C3: variants seen among roughly 807,000 people sequenced by gnomAD.
C3 encodes complement C3, also known as C3 and PZP-like alpha-2-macroglobulin domain-containing protein 1.
Under a neutral mutation model 207.9 loss-of-function variants are expected in C3, and 97 were observed. The observed-to-expected ratio is 0.47, with a 90% CI of 0.40 to 0.55. The LOEUF (loss-of-function observed/expected upper bound fraction) is 0.55. Ranked by LOEUF, C3 falls within the 20% of genes least tolerant of loss-of-function variation. C3 has a pLI of 0.00. For missense variants in C3, 1,684 were observed against 2,171.7 expected, an observed-to-expected ratio of 0.78 and a Z score of 4.46; for synonymous variants, 848 against 857.6, an observed-to-expected ratio of 0.99 and a Z score of 0.20.
intron 4 of C3, chr19:6,717,762 CGTT>C (rs1968069762): frequency 4.5e-6 from 2 of 447,900 alleles, no homozygotes; most frequent in Admixed American, 3.6e-5. Context: ...TGGTCATGCA[CGTT>C]GTGCTGTGTG....
chr19:6,688,300 A>G (rs1487295516), intron 27 of C3, among the ~76,000 whole-genome samples: 1 of 150,224 alleles, frequency 6.7e-6, no homozygotes, highest in Non-Finnish European at 1.5e-5. Context: ...TGCCCGGCTA[A>G]TTTTTGTATT....
chr19:6,697,693 G>T lies in C3; in HGVS notation c.2542C>A (p.Arg848=). 3 of 1,613,984 alleles carry T rather than the reference G, an allele frequency of 1.9e-6. No individual in the cohort carries two copies. The highest frequency in any genetic ancestry group is 2.5e-6 in the Non-Finnish European group (3 of 1,180,016). ...TGCCGGTAATTGTAGAGAACGGCTC[G>T]GATTTCCACCTGCTCGTTTCGAACA... The part of the protein sequence containing the change: ...SVVRNEQVEI[R]AVLYNYRQNQ... The change falls in exon 20 of 41, where the codon CGA becomes AGA. Residue 848 remains arginine (R), a synonymous_variant. Coordinates refer to ENST00000245907, the MANE Select transcript of C3 (RefSeq NM_000064.4).
chr19:6,684,884 C>A (rs374878628), intron 30 of C3, 50 bp from the exon 31 acceptor site: 625 of 1,609,864 alleles, frequency 3.9e-4, no homozygotes, highest in Non-Finnish European at 4.8e-4. Context: ...AAGCCTTCTG[C>A]TGCCTGTGAT....
chr19:6,706,285 G>A (rs11569440), intron 17 of C3, among the ~76,000 whole-genome samples: 6,341 of 152,228 alleles, frequency 0.042, 441 homozygotes, highest in African/African-American at 0.15. Context: ...CAGACTGATG[G>A]GTGGGGCTGG....
In C3 at chr19:6,687,017, G is replaced by A. The variant is rs78389096; in HGVS notation, c.3490-115C>T. 7.2e-4 allele frequency: 791 copies of A among 1,094,340 alleles called. 3 individuals are homozygous for A. In the African/African-American group the frequency reaches 0.01, roughly 14 times the overall value. 67.8% of individuals were successfully genotyped at this position (1,094,340 alleles called of 1,614,324 possible). On this transcript the variant is annotated intron_variant, in intron 27 of 40. Coordinates refer to ENST00000245907, the MANE Select transcript of C3 (RefSeq NM_000064.4). ...GGATTTCTGTCCTTGGGACACACCT[G>A]TCTTAGATTTGTCCATTTTTGAGAA...
At position 6,718,384 on chromosome 19, in the gene C3, T is replaced by A. The variant is rs1298387555; in HGVS notation, c.296A>T (p.Glu99Val). ...TIPANREFKSEKGRNKFVTVQ... is the reference protein window; with the variant it reads ...TIPANREFKSVKGRNKFVTVQ... ...GGTCACGAACTTGTTGCGCCCCTTT[T>A]CTGACTTGAACTCCCTGTTGGCTGG... Residue 99 changes from glutamate (E) to valine (V), a missense_variant, in exon 3 of 41, where the codon GAA becomes GTA. This residue lies in a region of C3 where 1,280 missense variants were observed against 1,739.1 expected (regional missense o/e 0.74). Coordinates refer to ENST00000245907, the MANE Select transcript of C3 (RefSeq NM_000064.4). 1 of 1,614,212 alleles carries A rather than the reference T, an allele frequency of 6.2e-7. No homozygotes were observed. Among genetic ancestry groups the A allele is most frequent in the Admixed American group, 1.7e-5 (1 of 60,022 alleles).
chr19:6,679,056 C>T, intron 38 of C3, 69 bp downstream of exon 38: 1 of 1,241,580 alleles, frequency 8.1e-7, no homozygotes, highest in Non-Finnish European at 1.2e-6. Context: ...GACAACCACA[C>T]CTACCACCCA....
chr19:6,686,342 G>A (rs1918009573), intron 28 of C3, 55 bp from the exon 29 acceptor site: 1 of 1,596,402 alleles, frequency 6.3e-7, no homozygotes, highest in Non-Finnish European at 8.6e-7. Flanking sequence ...GCCTGGGGAT[G>A]GCTCAGAGAA....
chr19:6,705,698 G>A lies in C3; in HGVS notation c.2245+1378C>T, dbSNP rs894476778. On this transcript the variant is annotated intron_variant, in intron 17 of 40. Coordinates refer to ENST00000245907, the MANE Select transcript of C3 (RefSeq NM_000064.4). ...TTTTGTTTTGTTTTGTTTTTGAGAC[G>A]GAGTCTTGCTCTGTTGCCCAGGCTG... Among the ~76,000 whole-genome samples the A allele has an allele frequency of 1.1e-3, 134 of 121,148 alleles. 1 individual carries two copies. The highest frequency in any genetic ancestry group is 5.4e-4 in the African/African-American group (17 of 31,658). 79.5% of individuals were successfully genotyped at this position (121,148 alleles called of 152,430 possible). A position where few individuals can be genotyped will look rare whatever the true frequency, so the allele number is the denominator to read the frequency against.
At position 6,714,343 on chromosome 19, in the gene C3, C is replaced by T. The variant is rs1024160766; in HGVS notation, c.599+9G>A. ...AGCCCTGAGCCCCCTCCTCAAGAACCTGACATACTTGACGAGTTCCGGAAT... is the reference window on the plus strand; with the variant it reads ...AGCCCTGAGCCCCCTCCTCAAGAACTTGACATACTTGACGAGTTCCGGAAT... On this transcript the variant is annotated intron_variant, in intron 5 of 40. Coordinates refer to ENST00000245907, the MANE Select transcript of C3 (RefSeq NM_000064.4). 4 of 1,612,936 alleles carry T rather than the reference C, an allele frequency of 2.5e-6. No individual in the cohort carries two copies. The African/African-American group carries it at 5.3e-5, about 22-fold the overall frequency.
At chr19:6,713,373 G>A in intron 8 of C3, 34 bp downstream of exon 8, 2 of 1,613,774 alleles carry the variant, frequency 1.2e-6, no homozygotes, top group Non-Finnish European at 1.7e-6. Flanking sequence ...GCGGGGACTG[G>A]GGCAGGGATC....
In C3 at chr19:6,717,590, T is replaced by G. The variant is rs2642199; in HGVS notation, c.504+504A>C. 303 of 249,720 alleles carry G rather than the reference T, an allele frequency of 1.2e-3. 1 individual carries two copies. The highest frequency in any genetic ancestry group is 6.6e-3 in the African/African-American group (283 of 42,770). 15.5% of individuals were successfully genotyped at this position (249,720 alleles called of 1,614,324 possible). ...TTGTGTTTTGTGTGTGTTGTGTGTG[T>G]TGTGTGTTGTGTGTGTTTGTGTGTG... On this transcript the variant is annotated intron_variant, in intron 4 of 40. Transcript: ENST00000245907.
intron 29 of C3, among the ~76,000 whole-genome samples, chr19:6,685,763 G>A (rs1917989093): frequency 6.6e-6 from 1 of 152,138 alleles, no homozygotes; most frequent in East Asian, 1.9e-4. Context: ...GGTAGAACTG[G>A]GAACATGGTC....
chr19:6,691,543 A>C (rs1345106440), intron 26 of C3, among the ~76,000 whole-genome samples: 1 of 152,182 alleles, frequency 6.6e-6, no homozygotes, highest in Non-Finnish European at 1.5e-5. Flanking sequence ...CCTGTAGAAC[A>C]ATAGAGCAAG....
At position 6,680,084 on chromosome 19, in the gene C3, C is replaced by T; in HGVS notation, c.4456+74G>A. 4 of 853,748 alleles carry T rather than the reference C, an allele frequency of 4.7e-6. No homozygotes were observed. The East Asian group carries it at 9.7e-5, about 21-fold the overall frequency. 52.9% of individuals were successfully genotyped at this position (853,748 alleles called of 1,614,324 possible). On this transcript the variant is annotated intron_variant, in intron 36 of 40. Coordinates refer to ENST00000245907, the MANE Select transcript of C3 (RefSeq NM_000064.4). Reference sequence around the variant, plus strand: ...TCCTTAGACCTTCATTCTCAGATCCCCACAATTCATATATACCTGGGACTC... The same window carrying T: ...TCCTTAGACCTTCATTCTCAGATCCTCACAATTCATATATACCTGGGACTC...
At chr19:6,717,887 T>C in intron 4 of C3, 1 of 648,816 alleles carries the variant, frequency 1.5e-6, no homozygotes, top group Non-Finnish European at 2.8e-6. Flanking sequence ...CATATCTCTT[T>C]GCCTCTGTGT....
intron 14 of C3, 117 bp from the exon 15 acceptor site, chr19:6,708,046 C>T (rs571729773): frequency 1.7e-6 from 2 of 1,149,400 alleles, no homozygotes; most frequent in South Asian, 2.6e-5. Flanking sequence ...ACTCTCATCT[C>T]CCCCATTCCT....
At chr19:6,685,179 G>A in intron 29 of C3, 33 bp from the exon 30 acceptor site, 2 of 1,606,004 alleles carry the variant, frequency 1.2e-6, no homozygotes, top group Non-Finnish European at 1.7e-6. Context: ...ATGGTGATCT[G>A]GGAGCCTGGG....
At position 6,714,016 on chromosome 19, in the gene C3, C is replaced by A; in HGVS notation, c.749G>T (p.Gly250Val). The A allele has an allele frequency of 6.2e-7, 1 of 1,609,996 alleles. No homozygotes were observed. The highest frequency in any genetic ancestry group is 8.5e-7 in the Non-Finnish European group (1 of 1,178,862). ...EKFYYIYNEKGLEVTITARFL... is the reference protein window; with the variant it reads ...EKFYYIYNEKVLEVTITARFL... ...CCTGGCGGTGATGGTGACCTCCAGG[C>A]CCTTCTCGTTATAGATGTAGTAGAA... Residue 250 changes from glycine to valine, a missense_variant, in exon 7 of 41, where the codon GGC (glycine) becomes GTC (valine). Physicochemically the swap from Gly to Val is moderately radical, Grantham distance 109. Coordinates refer to ENST00000245907, the MANE Select transcript of C3 (RefSeq NM_000064.4).
Sources: gnomAD v4.1 joint callset for allele counts (sites outside exome capture counted in the v4.1 genomes callset) on GRCh38, gnomAD v4.1.1 for gene constraint, gnomAD v4.1.1 regional missense constraint, MANE v1.5 for transcripts, NCBI Gene and HGNC (gene_info 2026-07-23, HGNC 2026-07-21) for gene names.